The following PACS1 variants were observed in gnomAD, a reference collection of about 807,000 sequenced individuals.
The protein encoded by PACS1 is phosphofurin acidic cluster sorting protein 1.
In PACS1, 24 loss-of-function variants were observed where a neutral mutation model predicts 115.0. The observed-to-expected ratio is 0.21, with a 90% CI of 0.15 to 0.29. The LOEUF is 0.29. PACS1 is among the 10% of genes least tolerant of loss of function. The pLI is 1.00. For missense variants in PACS1, 838 were observed against 1,251.2 expected (o/e 0.67, Z 4.98); for synonymous variants, 453 against 504.5 (o/e 0.90, Z 1.37).
intron 1 of PACS1, among the ~76,000 whole-genome samples, chr11:66,091,670 C>G (rs192531102): frequency 6.6e-5 from 10 of 151,470 alleles, no homozygotes; most frequent in Admixed American, 3.9e-4. Context: ...ATCCCTCCCC[C>G]CTCCTCCCAC....
chr11:66,188,784 C>A (rs1227404432), intron 1 of PACS1, among the ~76,000 whole-genome samples: 2 of 152,158 alleles, frequency 1.3e-5, no homozygotes, highest in Admixed American at 6.5e-5. Flanking sequence ...ACAACTATAT[C>A]TAGGAGTCTT....
rs576625267 is a variant in PACS1, at chr11:66,161,384, T to A, written c.357-32102T>A. On this transcript the variant is annotated intron_variant, in intron 1 of 23. Coordinates refer to ENST00000320580, the MANE Select transcript of PACS1 (RefSeq NM_018026.4). ...GTTAGGATCATAAGAGCCCAGGAGTTCAAAGCTTCAGTGAGCCGAGATCAC... is the reference window on the plus strand; with the variant it reads ...GTTAGGATCATAAGAGCCCAGGAGTACAAAGCTTCAGTGAGCCGAGATCAC... 1.3e-4 allele frequency among the ~76,000 whole-genome samples: 19 copies of A among 145,660 alleles called. 1 individual carries two copies. The highest frequency in any genetic ancestry group is 1.2e-3 in the Admixed American group (18 of 14,720).
At chr11:66,204,529 T>A (rs1410273151) in intron 2 of PACS1, among the ~76,000 whole-genome samples, 1 of 152,084 alleles carries the variant, frequency 6.6e-6, no homozygotes, top group African/African-American at 2.4e-5. Context: ...CTATTCACAA[T>A]AGCCAAGATT....
intron 1 of PACS1, among the ~76,000 whole-genome samples, chr11:66,129,431 CAAAA>C (rs71455706): frequency 8.7e-6 from 1 of 114,550 alleles, no homozygotes; most frequent in Admixed American, 9.0e-5. Flanking sequence ...GACTCCATAT[CAAAA>C]AAAAAAAAGG....
chr11:66,214,022 G>C (rs1007681316), intron 4 of PACS1, among the ~76,000 whole-genome samples: 2 of 105,890 alleles, frequency 1.9e-5, no homozygotes, highest in Non-Finnish European at 3.4e-5. Context: ...GACAGCGCGA[G>C]ACTCCATCTC....
intron 2 of PACS1, among the ~76,000 whole-genome samples, chr11:66,195,673 A>C (rs1479213233): frequency 1.3e-5 from 2 of 149,636 alleles, no homozygotes; most frequent in Non-Finnish European, 2.9e-5. Flanking sequence ...AGCTGAAAGT[A>C]ATTACAGATG....
intron 19 of PACS1, among the ~76,000 whole-genome samples, chr11:66,237,138 C>T (rs1442945514): frequency 3.9e-5 from 6 of 152,164 alleles, no homozygotes; most frequent in Non-Finnish European, 7.4e-5. Context: ...AGGATGGTCT[C>T]GATCTCTTGA....
At chr11:66,160,088 G>A (rs1859452583) in intron 1 of PACS1, among the ~76,000 whole-genome samples, 1 of 152,162 alleles carries the variant, frequency 6.6e-6, no homozygotes, top group Non-Finnish European at 1.5e-5. Context: ...AAACCACTGT[G>A]CTAGGAGTTA....
intron 22 of PACS1, among the ~76,000 whole-genome samples, chr11:66,242,613 G>A (rs535051592): frequency 5.9e-5 from 9 of 152,332 alleles, no homozygotes; most frequent in African/African-American, 2.2e-4. Flanking sequence ...CCCACAGGCT[G>A]CCTAGAACGT....
At chr11:66,210,714 G>A (rs1447030036) in intron 3 of PACS1, among the ~76,000 whole-genome samples, 1 of 152,180 alleles carries the variant, frequency 6.6e-6, no homozygotes, top group Non-Finnish European at 1.5e-5. Context: ...GCCATCTGCT[G>A]CACCACATCA....
chr11:66,075,305 A>G (rs551264514), intron 1 of PACS1, among the ~76,000 whole-genome samples: 9 of 152,196 alleles, frequency 5.9e-5, no homozygotes, highest in African/African-American at 2.2e-4. Flanking sequence ...CAGTGGCACA[A>G]TCACGGCTCA....
At chr11:66,076,380 G>T (rs767372340) in intron 1 of PACS1, among the ~76,000 whole-genome samples, 1 of 152,166 alleles carries the variant, frequency 6.6e-6, no homozygotes, top group Non-Finnish European at 1.5e-5. Flanking sequence ...CTCAGTTCAG[G>T]AGGCTTGTCC....
chr11:66,089,636 C>G (rs1278977191), intron 1 of PACS1, among the ~76,000 whole-genome samples: 1 of 152,148 alleles, frequency 6.6e-6, no homozygotes, highest in African/African-American at 2.4e-5. Flanking sequence ...ATATAACTAT[C>G]TAGCTGACTA....
At chr11:66,230,162 A>T (rs909524053) in intron 11 of PACS1, among the ~76,000 whole-genome samples, 1 of 151,622 alleles carries the variant, frequency 6.6e-6, no homozygotes, top group Admixed American at 6.6e-5. Context: ...AAGAAAAAAA[A>T]AAAAGGAATG....
intron 11 of PACS1, among the ~76,000 whole-genome samples, chr11:66,229,957 C>CA (rs34895785): frequency 0.2 from 27,226 of 134,432 alleles, 2,650 homozygotes; most frequent in East Asian, 0.28. Context: ...AAGTCCATCC[C>CA]AAAAAAAAAA....
intron 1 of PACS1, among the ~76,000 whole-genome samples, chr11:66,096,308 C>T (rs1857781111): frequency 6.8e-6 from 1 of 147,650 alleles, no homozygotes; most frequent in Non-Finnish European, 1.5e-5. Context: ...TTCCCAAGCT[C>T]AAGTGATCCA....
At chr11:66,228,522 A>C (rs370850590) in intron 11 of PACS1, among the ~76,000 whole-genome samples, 9 of 152,350 alleles carry the variant, frequency 5.9e-5, no homozygotes, top group African/African-American at 2.2e-4. Context: ...TCCGTACTGC[A>C]CGTGGCAAGT....
chr11:66,215,095 G>A (rs1200764370), intron 4 of PACS1, among the ~76,000 whole-genome samples: 1 of 151,652 alleles, frequency 6.6e-6, no homozygotes, highest in Non-Finnish European at 1.5e-5. Flanking sequence ...ACCACACCTG[G>A]CTAATTTTTT....
chr11:66,088,724 T>C (rs958794235), intron 1 of PACS1, among the ~76,000 whole-genome samples: 3 of 152,198 alleles, frequency 2.0e-5, no homozygotes, highest in Admixed American at 1.3e-4. Flanking sequence ...AAGGTAGTCT[T>C]TGCCTTTTGT....
Sources: allele counts gnomAD v4.1 joint callset (sites outside exome capture counted in the v4.1 genomes callset), GRCh38; gene constraint gnomAD v4.1.1; transcripts MANE v1.5; gene names NCBI Gene and HGNC (gene_info 2026-07-23, HGNC 2026-07-21).